The following DAPK1 variants were observed in gnomAD, a reference collection of about 807,000 sequenced individuals.
DAPK1 encodes the protein death associated protein kinase 1.
A neutral mutation model predicts 144.9 loss-of-function variants in DAPK1; 56 were observed. The ratio of observed to expected loss-of-function variants is 0.39; its 90% confidence interval spans 0.31 to 0.48. The LOEUF is 0.48. DAPK1 is among the 20% of genes least tolerant of loss of function. DAPK1 has a pLI of 0.95. For missense variants in DAPK1, 1,454 were observed against 1,875.4 expected (o/e 0.78, Z 4.15); for synonymous variants, 690 against 749.0 (o/e 0.92, Z 1.29).
intron 2 of DAPK1, among the ~76,000 whole-genome samples, chr9:87,564,100 CACA>C (rs1468197012): frequency 1.3e-5 from 2 of 152,200 alleles, no homozygotes; most frequent in Non-Finnish European, 2.9e-5. Context: ...GCCCTCCATA[CACA>C]TCTCTGTTAC....
intron 18 of DAPK1, chr9:87,668,314 C>T: frequency 2.5e-6 from 1 of 402,326 alleles, no homozygotes; most frequent in Non-Finnish European, 4.5e-6. Flanking sequence ...GCTGAGGAGG[C>T]TGTTGAGTTG....
chr9:87,560,091 A>G (rs1826856537), intron 2 of DAPK1, among the ~76,000 whole-genome samples: 1 of 151,714 alleles, frequency 6.6e-6, no homozygotes, highest in African/African-American at 2.4e-5. Context: ...CCCGGGTTCA[A>G]GCTATTCTCC....
At chr9:87,700,720 C>T (rs985186219) in intron 24 of DAPK1, among the ~76,000 whole-genome samples, 5 of 152,018 alleles carry the variant, frequency 3.3e-5, no homozygotes, top group East Asian at 1.9e-4. Context: ...AGGCTGGTCT[C>T]GAACTCCTAG....
At chr9:87,640,533 G>A (rs998961477) in intron 8 of DAPK1, 83 bp downstream of exon 8, 18 of 1,447,404 alleles carry the variant, frequency 1.2e-5, no homozygotes, top group East Asian at 2.3e-5. Flanking sequence ...ACAGGGCCAC[G>A]TTCCTCAGAC....
At chr9:87,605,318 G>A (rs747461278) in intron 3 of DAPK1, 143 bp downstream of exon 3, 4 of 677,706 alleles carry the variant, frequency 5.9e-6, no homozygotes, top group Admixed American at 2.7e-5. Context: ...GAACAATGCC[G>A]TGCTGCCTGA....
At chr9:87,594,053 G>A (rs1444767346) in intron 2 of DAPK1, among the ~76,000 whole-genome samples, 1 of 152,132 alleles carries the variant, frequency 6.6e-6, no homozygotes, top group African/African-American at 2.4e-5. Flanking sequence ...ACAGTAATCT[G>A]TAGCTACCCT....
At chr9:87,546,494 G>C (rs1056661237) in intron 2 of DAPK1, among the ~76,000 whole-genome samples, 13 of 152,142 alleles carry the variant, frequency 8.5e-5, no homozygotes, top group African/African-American at 2.7e-4. Flanking sequence ...GCTCTGAATT[G>C]GTTGGGTCTG....
chr9:87,618,487 G>A (rs1381990355), intron 3 of DAPK1, among the ~76,000 whole-genome samples: 1 of 152,218 alleles, frequency 6.6e-6, no homozygotes, highest in African/African-American at 2.4e-5. Flanking sequence ...CATGAAAGTG[G>A]TAGAAGTATT....
Position 87,517,232 on chromosome 9 carries a change from ACATTACTG to A in DAPK1, c.62+18095_62+18102del, listed in dbSNP as rs1372809335. Reference sequence around the variant, plus strand: ...AGTGGGCACCGATAGCAGGCTTGCTACATTACTGCTTTCCTCCGGGGGTGCAGGTGGTC... The same window carrying A: ...AGTGGGCACCGATAGCAGGCTTGCTACTTTCCTCCGGGGGTGCAGGTGGTC... On this transcript the variant is annotated intron_variant, in intron 2 of 25. Coordinates refer to ENST00000408954, the MANE Select transcript of DAPK1 (RefSeq NM_004938.4). Among the ~76,000 whole-genome samples, 3 of 151,144 alleles carry A rather than the reference ACATTACTG, an allele frequency of 2.0e-5. No homozygotes were observed. The East Asian group carries it at 5.8e-4, about 29-fold the overall frequency.
chr9:87,584,008 G>A (rs961590473), intron 2 of DAPK1, among the ~76,000 whole-genome samples: 1 of 152,100 alleles, frequency 6.6e-6, no homozygotes, highest in Non-Finnish European at 1.5e-5. Context: ...ATACATTTTT[G>A]TAGCTGTATT....
chr9:87,628,483 C>T (rs1829557959), intron 3 of DAPK1, among the ~76,000 whole-genome samples: 1 of 152,194 alleles, frequency 6.6e-6, no homozygotes, highest in Non-Finnish European at 1.5e-5. Context: ...CTTCCCCTTC[C>T]TGTGTCCCAG....
chr9:87,562,971 C>A (rs896805678), intron 2 of DAPK1, among the ~76,000 whole-genome samples: 16 of 152,272 alleles, frequency 1.1e-4, no homozygotes, highest in African/African-American at 3.9e-4. Context: ...TTTTTACTTT[C>A]TTCATGACAA....
chr9:87,614,822 C>T (rs1829042251), intron 3 of DAPK1, among the ~76,000 whole-genome samples: 1 of 152,196 alleles, frequency 6.6e-6, no homozygotes, highest in Non-Finnish European at 1.5e-5. Context: ...AAGTCCCTTC[C>T]AGGCCCTGGG....
At chr9:87,521,140 A>G (rs1825283859) in intron 2 of DAPK1, among the ~76,000 whole-genome samples, 1 of 152,250 alleles carries the variant, frequency 6.6e-6, no homozygotes, top group South Asian at 2.1e-4. Flanking sequence ...GCTGATTGCA[A>G]TAGTGCTAGC....
At chr9:87,571,971 TTG>T (rs1406947393) in intron 2 of DAPK1, among the ~76,000 whole-genome samples, 1 of 152,196 alleles carries the variant, frequency 6.6e-6, no homozygotes, top group Non-Finnish European at 1.5e-5. Flanking sequence ...TCTTTTGCCT[TTG>T]TGGATCAGCC....
At position 87,686,300 on chromosome 9, in the gene DAPK1, AG is replaced by A. The variant is rs1824848209; in HGVS notation, c.2225-249del. On this transcript the variant is annotated intron_variant, in intron 20 of 25. Coordinates refer to ENST00000408954, the MANE Select transcript of DAPK1 (RefSeq NM_004938.4). This position sits in a 1 kb window ranked among gnomAD's most constrained non-coding sequence, Gnocchi z 4.2. Reference sequence around the variant, plus strand: ...AAGCCAGCCTAGAGACACAATCCCTAGGACCAGCCACCCGGGCAACAGGGCG... The same window carrying A: ...AAGCCAGCCTAGAGACACAATCCCTAGACCAGCCACCCGGGCAACAGGGCG... 1.3e-5 allele frequency among the ~76,000 whole-genome samples: 2 copies of A among 152,282 alleles called. No homozygotes were observed. The highest frequency in any genetic ancestry group is 4.8e-5 in the African/African-American group (2 of 41,558).
chr9:87,584,942 T>C (rs1225102803), intron 2 of DAPK1, among the ~76,000 whole-genome samples: 1 of 152,094 alleles, frequency 6.6e-6, no homozygotes, highest in Non-Finnish European at 1.5e-5. Flanking sequence ...CTCTCAAAGT[T>C]CTGGGATTAC....
At chr9:87,680,206 A>G (rs372179869) in intron 19 of DAPK1, among the ~76,000 whole-genome samples, 2 of 152,050 alleles carry the variant, frequency 1.3e-5, no homozygotes, top group Admixed American at 1.3e-4. Context: ...CGAGGTTCAC[A>G]CCATTCTCCT....
intron 2 of DAPK1, among the ~76,000 whole-genome samples, chr9:87,587,923 A>G (rs1174162703): frequency 1.3e-5 from 2 of 152,290 alleles, no homozygotes; most frequent in Non-Finnish European, 2.9e-5. Context: ...ATACAATAAT[A>G]GTAATCATAT....
Sources: allele counts gnomAD v4.1 joint callset (sites outside exome capture counted in the v4.1 genomes callset), GRCh38; gene constraint gnomAD v4.1.1; non-coding constraint Gnocchi (gnomAD v3.1); transcripts MANE v1.5; gene names NCBI Gene and HGNC (gene_info 2026-07-23, HGNC 2026-07-21).